The following UNC80 variants were observed in gnomAD, a reference collection of about 807,000 sequenced individuals.
The protein encoded by UNC80 is protein unc-80 homolog.
In UNC80, 164 loss-of-function variants were observed where a neutral mutation model predicts 384.6. That is an observed-to-expected ratio of 0.43 (90% CI 0.38 to 0.49). The LOEUF (loss-of-function observed/expected upper bound fraction) is 0.49, where lower values mean the gene tolerates loss of function less well. UNC80 is among the 20% of genes least tolerant of loss of function. UNC80 has a pLI of 0.00. For missense variants in UNC80, 3,330 were observed against 4,143.0 expected, an observed-to-expected ratio of 0.80 and a Z score of 5.39; for synonymous variants, 1,486 against 1,527.8, an observed-to-expected ratio of 0.97 and a Z score of 0.64.
chr2:209,869,424 T>C (rs2084107526), intron 22 of UNC80, among the ~76,000 whole-genome samples: 1 of 152,136 alleles, frequency 6.6e-6, no homozygotes, highest in Admixed American at 6.5e-5. Flanking sequence ...GCACACACAT[T>C]GCAAACTCAG....
chr2:209,866,981 G>T (rs925131893), intron 22 of UNC80, among the ~76,000 whole-genome samples: 1 of 152,306 alleles, frequency 6.6e-6, no homozygotes, highest in Admixed American at 6.5e-5. Flanking sequence ...AATGTGTAAT[G>T]ATTAAATCAG....
At chr2:209,834,725 C>G (rs2081225882) in intron 17 of UNC80, among the ~76,000 whole-genome samples, 187 bp from the exon 18 acceptor site, 1 of 152,122 alleles carries the variant, frequency 6.6e-6, no homozygotes, top group South Asian at 2.1e-4. Flanking sequence ...TATTGTGAAG[C>G]AAAAAGGCTG....
Position 209,908,710 on chromosome 2 carries a change from AACC to A in UNC80, c.4782+3747_4782+3749del, listed in dbSNP as rs1455002889. Among the ~76,000 whole-genome samples, 6 of 152,334 alleles carry A rather than the reference AACC, an allele frequency of 3.9e-5. 1 individual carries two copies. In the East Asian group the frequency reaches 1.2e-3, roughly 29 times the overall value. ...CAAGAGGTCAACTGACTTCCTGCAGAACCAACATTTTTCCTAAAGCTATCTATG... is the reference window on the plus strand; with the variant it reads ...CAAGAGGTCAACTGACTTCCTGCAGAAACATTTTTCCTAAAGCTATCTATG... On this transcript the variant is annotated intron_variant, in intron 29 of 64. Transcript: ENST00000673920.
intron 7 of UNC80, among the ~76,000 whole-genome samples, 189 bp downstream of exon 7, chr2:209,794,048 C>G (rs2078004298): frequency 6.6e-6 from 1 of 152,138 alleles, no homozygotes; most frequent in African/African-American, 2.4e-5. Flanking sequence ...TTTAAACAAA[C>G]TAGGGCGAAA....
chr2:209,859,817 A>G (rs1338289095), intron 22 of UNC80, among the ~76,000 whole-genome samples: 3 of 152,146 alleles, frequency 2.0e-5, no homozygotes, highest in Admixed American at 6.5e-5. Context: ...TGTTGGCTGC[A>G]TAATGTCTCC....
At position 209,872,825 on chromosome 2, in the gene UNC80, G is replaced by A. The variant is rs1231432263; in HGVS notation, c.3695G>A (p.Arg1232His). 9.0e-6 allele frequency: 14 copies of A among 1,551,436 alleles called. No individual in the cohort carries two copies. Among genetic ancestry groups the A allele is most frequent in the Non-Finnish European group, 1.2e-5 (14 of 1,146,828 alleles). ...GCTCGTTTTGTTCACCGCTGCAACC[G>A]TGGCAACTGGCCAGAGTGGATGAAA... ...ECARFVHRCN[R>H]GNWPEWMKGH... The change falls in exon 23 of 65, where the codon CGT becomes CAT. Residue 1232 changes from arginine to histidine, a missense_variant. Arg to His is a conservative substitution (Grantham distance 29, BLOSUM62 0). Transcript: ENST00000673920. This position sits in a 1 kb window ranked among gnomAD's most constrained non-coding sequence, Gnocchi z 4.1.
At chr2:209,959,041 G>A in intron 49 of UNC80, 78 bp from the exon 50 acceptor site, 1 of 1,239,704 alleles carries the variant, frequency 8.1e-7, no homozygotes, top group Non-Finnish European at 1.2e-6. Flanking sequence ...CTTTTCATAT[G>A]AAAGTCGATA....
At chr2:209,786,978 AGCATATATATATAT>A (rs1559087909) in intron 5 of UNC80, among the ~76,000 whole-genome samples, 1 of 92,352 alleles carries the variant, frequency 1.1e-5, no homozygotes, top group Non-Finnish European at 2.1e-5. Context: ...AATCTACAGA[AGCATATATATATAT>A]ATATATATAT....
intron 28 of UNC80, among the ~76,000 whole-genome samples, chr2:209,903,849 A>G (rs2087846942): frequency 6.6e-6 from 1 of 151,458 alleles, no homozygotes; most frequent in South Asian, 2.1e-4. Flanking sequence ...CAATCAACAT[A>G]TTGGCCTTGC....
At chr2:209,923,420 A>G (rs1270044896) in intron 35 of UNC80, among the ~76,000 whole-genome samples, 1 of 152,128 alleles carries the variant, frequency 6.6e-6, no homozygotes, top group African/African-American at 2.4e-5. Flanking sequence ...ATGAGTTAGA[A>G]TTTTGCATTT....
intron 22 of UNC80, among the ~76,000 whole-genome samples, chr2:209,864,696 G>A (rs2083585930): frequency 2.0e-5 from 3 of 152,330 alleles, no homozygotes; most frequent in Middle Eastern, 3.4e-3. Context: ...GGACCAAGCT[G>A]TGCAGCTTCC....
At chr2:209,793,457 A>G (rs1343274370) in intron 6 of UNC80, among the ~76,000 whole-genome samples, 2 of 152,202 alleles carry the variant, frequency 1.3e-5, no homozygotes, top group Non-Finnish European at 2.9e-5. Context: ...AAAGAAAATA[A>G]TTAAGAATAA....
intron 3 of UNC80, 94 bp downstream of exon 3, chr2:209,776,139 C>T: frequency 6.7e-7 from 1 of 1,490,132 alleles, no homozygotes; most frequent in Non-Finnish European, 9.1e-7. Context: ...TCTGTTTTCT[C>T]AAGCACTGTG....
rs529480772 is a variant in UNC80, at chr2:209,877,704, G to C, written c.3841-250G>C. ...TGGAAATATTTTCAGAAAAACTTTT[G>C]TACAAATATACAAAGGTGTCATTCC... On this transcript the variant is annotated intron_variant, in intron 23 of 64. Transcript: ENST00000673920. 2.0e-3 allele frequency among the ~76,000 whole-genome samples: 298 copies of C among 152,216 alleles called. 2 individuals are homozygous for C. Among genetic ancestry groups the C allele is most frequent in the Non-Finnish European group, 3.3e-3 (225 of 67,996 alleles).
At chr2:209,979,825 C>T (rs1027040494) in intron 59 of UNC80, among the ~76,000 whole-genome samples, 1 of 152,152 alleles carries the variant, frequency 6.6e-6, no homozygotes, top group African/African-American at 2.4e-5. Flanking sequence ...CACTCAGAGG[C>T]TCTCCATACC....
At chr2:209,826,527 G>A (rs2080532592) in intron 14 of UNC80, among the ~76,000 whole-genome samples, 1 of 152,156 alleles carries the variant, frequency 6.6e-6, no homozygotes. Context: ...AAAGAGGACT[G>A]TAAAAGTAAC....
intron 26 of UNC80, among the ~76,000 whole-genome samples, chr2:209,890,568 C>G (rs566462366): frequency 1.3e-5 from 2 of 152,174 alleles, no homozygotes; most frequent in Non-Finnish European, 2.9e-5. Context: ...ATGACAAATA[C>G]CAATTTCCAG....
At chr2:209,883,279 GT>G (rs2085460523) in intron 25 of UNC80, among the ~76,000 whole-genome samples, 1 of 152,068 alleles carries the variant, frequency 6.6e-6, no homozygotes, top group Non-Finnish European at 1.5e-5. Context: ...GAATTTTTAA[GT>G]GTATAATATG....
chr2:209,857,674 A>T (rs1366868158), intron 22 of UNC80, among the ~76,000 whole-genome samples: 2 of 152,128 alleles, frequency 1.3e-5, no homozygotes, highest in East Asian at 3.8e-4. Context: ...TCTCTATTGT[A>T]AACTAAGAAC....
Sources: gnomAD v4.1 joint callset for allele counts (sites outside exome capture counted in the v4.1 genomes callset) on GRCh38, gnomAD v4.1.1 for gene constraint, Gnocchi (gnomAD v3.1) non-coding constraint, MANE v1.5 for transcripts, NCBI Gene and HGNC (gene_info 2026-07-23, HGNC 2026-07-21) for gene names.